The following FNDC3B variants were observed in gnomAD, a reference collection of about 807,000 sequenced individuals.
FNDC3B encodes fibronectin type III domain-containing protein 3B.
A neutral mutation model predicts 151.5 loss-of-function variants in FNDC3B; 12 were observed. The observed-to-expected ratio is 0.08, with a 90% confidence interval of 0.05 to 0.13. The LOEUF (loss-of-function observed/expected upper bound fraction) is 0.13, where lower values mean the gene tolerates loss of function less well. Among genes scored for constraint, FNDC3B ranks in the 10% least tolerant of loss-of-function variants. FNDC3B has a pLI of 1.00. For missense variants in FNDC3B, 1,214 were observed against 1,505.3 expected (o/e 0.81, Z 3.20); for synonymous variants, 528 against 549.0 (o/e 0.96, Z 0.54).
chr3:172,385,188 C>T (rs1438922966), intron 25 of FNDC3B, among the ~76,000 whole-genome samples: 1 of 151,860 alleles, frequency 6.6e-6, no homozygotes, highest in East Asian at 1.9e-4. Flanking sequence ...GTGTGCAGAA[C>T]AATGGTTAAA....
intron 6 of FNDC3B, among the ~76,000 whole-genome samples, chr3:172,285,090 A>C (rs1213150143): frequency 6.6e-6 from 1 of 151,996 alleles, no homozygotes; most frequent in Non-Finnish European, 1.5e-5. Flanking sequence ...CCACCCCCAA[A>C]ACATGCCCAT....
intron 1 of FNDC3B, among the ~76,000 whole-genome samples, chr3:172,081,899 A>G (rs764663469): frequency 6.6e-6 from 1 of 152,342 alleles, no homozygotes; most frequent in South Asian, 2.1e-4. Context: ...TCTTTTAAGG[A>G]AAATAATTTC....
chr3:172,227,819 T>C (rs1257901672), intron 4 of FNDC3B, among the ~76,000 whole-genome samples: 1 of 152,246 alleles, frequency 6.6e-6, no homozygotes, highest in Non-Finnish European at 1.5e-5. Context: ...TGGATTTTTC[T>C]TTTCTCTACT....
intron 4 of FNDC3B, among the ~76,000 whole-genome samples, chr3:172,245,203 T>C (rs1325160969): frequency 6.6e-6 from 1 of 152,208 alleles, no homozygotes; most frequent in African/African-American, 2.4e-5. Flanking sequence ...TCCAAAGTTA[T>C]ATGATAAAAT....
chr3:172,177,734 C>T (rs1464875372), intron 3 of FNDC3B, among the ~76,000 whole-genome samples: 3 of 146,186 alleles, frequency 2.1e-5, no homozygotes, highest in Non-Finnish European at 4.5e-5. Context: ...ATGTGCAGAA[C>T]GTGCAGGTTT....
chr3:172,269,676 A>T (rs1729098690), intron 6 of FNDC3B, among the ~76,000 whole-genome samples: 1 of 150,864 alleles, frequency 6.6e-6, no homozygotes, highest in Non-Finnish European at 1.5e-5. Flanking sequence ...AGAGGGTCTC[A>T]CTCTGTCGCC....
At chr3:172,272,386 C>T (rs1303212887) in intron 6 of FNDC3B, among the ~76,000 whole-genome samples, 1 of 152,046 alleles carries the variant, frequency 6.6e-6, no homozygotes, top group Non-Finnish European at 1.5e-5. Context: ...AGATTAAATA[C>T]CTTAAGGAAA....
chr3:172,378,890 G>A (rs55915308), intron 24 of FNDC3B, among the ~76,000 whole-genome samples: 22,105 of 152,090 alleles, frequency 0.15, 1,821 homozygotes, highest in South Asian at 0.21. Flanking sequence ...CTGTAGCAGC[G>A]TTCTGCTCTA....
intron 23 of FNDC3B, among the ~76,000 whole-genome samples, chr3:172,375,406 C>T (rs1247186409): frequency 1.3e-5 from 2 of 152,204 alleles, no homozygotes; most frequent in Non-Finnish European, 2.9e-5. Context: ...TCACCCAAAG[C>T]TCTTAGGATT....
At chr3:172,137,931 A>G (rs1323877616) in intron 3 of FNDC3B, among the ~76,000 whole-genome samples, 1 of 152,208 alleles carries the variant, frequency 6.6e-6, no homozygotes, top group African/African-American at 2.4e-5. Context: ...AATCTTAGCA[A>G]TCAGTATGAA....
chr3:172,315,875 A>G (rs1245271091), intron 11 of FNDC3B, among the ~76,000 whole-genome samples: 3 of 151,958 alleles, frequency 2.0e-5, no homozygotes, highest in South Asian at 2.1e-4. Flanking sequence ...GGCGGACACC[A>G]TGCTTGAGAC....
At chr3:172,133,299 C>T (rs1721200651) in intron 2 of FNDC3B, among the ~76,000 whole-genome samples, 172 bp from the exon 3 acceptor site, 1 of 152,212 alleles carries the variant, frequency 6.6e-6, no homozygotes, top group South Asian at 2.1e-4. Context: ...AATTTGAATG[C>T]ATGTACTCCT....
intron 6 of FNDC3B, among the ~76,000 whole-genome samples, chr3:172,260,663 G>A (rs963139197): frequency 6.6e-6 from 1 of 152,170 alleles, no homozygotes; most frequent in African/African-American, 2.4e-5. Flanking sequence ...CTGGGTCAGT[G>A]TTAAGTAATA....
chr3:172,291,635 C>T (rs1390454275), intron 7 of FNDC3B, among the ~76,000 whole-genome samples: 2 of 152,200 alleles, frequency 1.3e-5, no homozygotes, highest in African/African-American at 2.4e-5. Flanking sequence ...GATTGCACCT[C>T]GTCCAATAAT....
At position 172,381,071 on chromosome 3, in the gene FNDC3B, G is replaced by A. The variant is rs755270949; in HGVS notation, c.3281G>A (p.Gly1094Glu). The change falls in exon 25 of 26, where the codon GGA becomes GAA. Residue 1094 changes from glycine to glutamate, a missense_variant. Physicochemically the swap from Gly to Glu is moderately conservative, Grantham distance 98 (BLOSUM62 -2). Coordinates refer to ENST00000415807, the MANE Select transcript of FNDC3B (RefSeq NM_022763.4). ...PVNYILQVLV[G>E]RESEYKQVYK... ...AACTACATTCTGCAGGTATTGGTTG[G>A]AAGAGAATCTGAGTACAAACAGGTA... The A allele has an allele frequency of 3.7e-6, 6 of 1,613,702 alleles. No homozygotes were observed. The Admixed American group carries it at 8.3e-5, about 22-fold the overall frequency.
chr3:172,181,871 G>C (rs954192103), intron 3 of FNDC3B, among the ~76,000 whole-genome samples: 14 of 145,900 alleles, frequency 9.6e-5, no homozygotes, highest in African/African-American at 3.5e-4. Context: ...TGGGAGCACA[G>C]ACTGCTGCTC....
chr3:172,363,968 AG>A (rs776754720), intron 23 of FNDC3B, among the ~76,000 whole-genome samples: 4 of 152,258 alleles, frequency 2.6e-5, no homozygotes, highest in Non-Finnish European at 4.4e-5. Flanking sequence ...ATTTCTTGAA[AG>A]AGGTGACATT....
intron 16 of FNDC3B, among the ~76,000 whole-genome samples, chr3:172,340,329 A>G (rs1364182105): frequency 1.4e-5 from 2 of 141,144 alleles, no homozygotes; most frequent in Non-Finnish European, 3.0e-5. Context: ...TCTGTCGCCC[A>G]GGCTGGTGTG....
chr3:172,317,110 C>A (rs1271391325), intron 11 of FNDC3B: 1 of 445,324 alleles, frequency 2.2e-6, no homozygotes. Flanking sequence ...CCCTTGTGAC[C>A]TAATCACCTT....
Sources: gnomAD v4.1 joint callset for allele counts (sites outside exome capture counted in the v4.1 genomes callset) on GRCh38, gnomAD v4.1.1 for gene constraint, MANE v1.5 for transcripts, NCBI Gene and HGNC (gene_info 2026-07-23, HGNC 2026-07-21) for gene names.